Variants in HIBADH observed in about 807,000 individuals in gnomAD.
HIBADH encodes the protein 3-hydroxyisobutyrate dehydrogenase, mitochondrial.
A neutral mutation model predicts 36.1 loss-of-function variants in HIBADH; 25 were observed. The ratio of observed to expected loss-of-function variants is 0.69; its 90% confidence interval spans 0.50 to 0.97. HIBADH has a LOEUF of 0.97. Ranked by LOEUF, HIBADH falls within the 50% of genes least tolerant of loss-of-function variation. The pLI, the probability that HIBADH is intolerant of heterozygous loss-of-function variation, is 0.00. For synonymous variants in HIBADH, 160 were observed against 149.5 expected (o/e 1.07, Z -0.51); for missense variants, 421 against 418.0 (o/e 1.01, Z -0.06).
chr7:27,542,438 G>GT (rs150575250), intron 5 of HIBADH, among the ~76,000 whole-genome samples: 1,004 of 68,156 alleles, frequency 0.015, 53 homozygotes, highest in African/African-American at 0.039. Flanking sequence ...TTTTTTTCCC[G>GT]TTTTTTTTTT....
chr7:27,544,703 A>T (rs942592023), intron 4 of HIBADH, among the ~76,000 whole-genome samples: 9 of 152,228 alleles, frequency 5.9e-5, no homozygotes, highest in Non-Finnish European at 1.3e-4. Flanking sequence ...GTCAAAGCTT[A>T]CAAGCAAATC....
intron 4 of HIBADH, among the ~76,000 whole-genome samples, chr7:27,591,626 T>C (rs559752478): frequency 6.6e-6 from 1 of 152,178 alleles, no homozygotes; most frequent in East Asian, 1.9e-4. Context: ...GGAACTTTCA[T>C]TATTTTGTTT....
At chr7:27,567,984 T>C (rs1363472407) in intron 4 of HIBADH, among the ~76,000 whole-genome samples, 2 of 152,206 alleles carry the variant, frequency 1.3e-5, no homozygotes, top group East Asian at 1.9e-4. Context: ...CAACTTACAA[T>C]ATTTTCAACT....
At chr7:27,597,056 TA>T (rs1785044737) in intron 4 of HIBADH, among the ~76,000 whole-genome samples, 1 of 144,508 alleles carries the variant, frequency 6.9e-6, no homozygotes, top group Non-Finnish European at 1.6e-5. Flanking sequence ...TAGAGAGTCT[TA>T]ATTTTATTAA....
At chr7:27,631,800 GA>G (rs1381312622) in intron 3 of HIBADH, among the ~76,000 whole-genome samples, 1 of 152,162 alleles carries the variant, frequency 6.6e-6, no homozygotes, top group Admixed American at 6.5e-5. Flanking sequence ...GCCAAGGTCT[GA>G]TTTTTCACAA....
At chr7:27,654,463 A>G (rs1786257305) in intron 1 of HIBADH, among the ~76,000 whole-genome samples, 1 of 152,214 alleles carries the variant, frequency 6.6e-6, no homozygotes, top group Admixed American at 6.5e-5. Flanking sequence ...GAGCAGCCAC[A>G]GGAAAAAGGA....
chr7:27,607,951 C>A (rs1785259338), intron 4 of HIBADH, among the ~76,000 whole-genome samples: 1 of 152,102 alleles, frequency 6.6e-6, no homozygotes, highest in African/African-American at 2.4e-5. Flanking sequence ...ATATGTTGGT[C>A]ACTTAAGAAC....
chr7:27,621,002 A>G (rs899564994), intron 4 of HIBADH, among the ~76,000 whole-genome samples: 1 of 152,194 alleles, frequency 6.6e-6, no homozygotes, highest in Non-Finnish European at 1.5e-5. Context: ...ACTAATAAGG[A>G]CACATACACA....
chr7:27,543,195 TCCTG>T, intron 4 of HIBADH, 95 bp from the exon 5 acceptor site: 1 of 1,268,660 alleles, frequency 7.9e-7, no homozygotes, highest in South Asian at 1.4e-5. Context: ...ACTAAAAACA[TCCTG>T]CCTCCAATCT....
intron 4 of HIBADH, among the ~76,000 whole-genome samples, chr7:27,606,280 T>C (rs1785227496): frequency 6.6e-6 from 1 of 152,156 alleles, no homozygotes; most frequent in Admixed American, 6.5e-5. Flanking sequence ...TTTATGACCA[T>C]CAAGTTCACA....
intron 4 of HIBADH, among the ~76,000 whole-genome samples, chr7:27,543,683 T>C (rs964810846): frequency 6.6e-6 from 1 of 152,212 alleles, no homozygotes; most frequent in African/African-American, 2.4e-5. Flanking sequence ...TTTTGACTGA[T>C]TATTCTCATA....
At chr7:27,538,126 A>G (rs1338895869) in intron 6 of HIBADH, among the ~76,000 whole-genome samples, 1 of 152,208 alleles carries the variant, frequency 6.6e-6, no homozygotes, top group African/African-American at 2.4e-5. Context: ...TGCACAGGCA[A>G]TACATTTTAT....
intron 4 of HIBADH, among the ~76,000 whole-genome samples, chr7:27,591,949 C>T (rs1784946900): frequency 6.6e-6 from 1 of 152,150 alleles, no homozygotes; most frequent in Non-Finnish European, 1.5e-5. Flanking sequence ...TCATCTCTTC[C>T]CACTTTCCTC....
In HIBADH at chr7:27,632,444, A is replaced by G; in HGVS notation, c.254T>C (p.Val85Ala). ...CKEFQDAGEQ[V>A]VSSPADVAEK... is the part of the protein sequence containing the mutation. The stretch of plus-strand genomic sequence containing the variant: ...AGCAACATCTGCTGGGGAAGATACT[A>G]CCTTTAAAAAAAATTGCAAAGGCAC... Residue 85 changes from valine (V) to alanine (A), a missense_variant and splice_region_variant, in exon 3 of 8, where the codon GTA becomes GCA. Val to Ala is a moderately conservative substitution (Grantham distance 64, BLOSUM62 0). Transcript: ENST00000265395. 2 of 1,607,792 alleles carry G rather than the reference A, an allele frequency of 1.2e-6. No individual in the cohort carries two copies. Among genetic ancestry groups the G allele is most frequent in the East Asian group, 2.2e-5 (1 of 44,788 alleles).
At chr7:27,563,324 C>T (rs756647001) in intron 4 of HIBADH, among the ~76,000 whole-genome samples, 2 of 152,100 alleles carry the variant, frequency 1.3e-5, no homozygotes, top group Non-Finnish European at 1.5e-5. Context: ...ATTTTTAAGT[C>T]GTTTTCAGTT....
chr7:27,562,056 T>A (rs186893609), intron 4 of HIBADH, among the ~76,000 whole-genome samples: 1 of 152,272 alleles, frequency 6.6e-6, no homozygotes, highest in East Asian at 1.9e-4. Flanking sequence ...AAATCCAACA[T>A]GATAAAAATC....
chr7:27,543,018 C>T lies in HIBADH; in HGVS notation c.567G>A (p.Leu189=). The T allele has an allele frequency of 6.2e-7, 1 of 1,613,874 alleles. No individual in the cohort carries two copies. Among genetic ancestry groups the T allele is most frequent in the East Asian group, 2.2e-5 (1 of 44,858 alleles). Residue 189 remains leucine, a synonymous_variant, in exon 5 of 8, where the codon CTG becomes CTA. Coordinates refer to ENST00000265395, the MANE Select transcript of HIBADH (RefSeq NM_152740.4). ...EDEFAAAQEL[L]GCMGSNVVYC... is the part of the protein sequence containing the mutation. ...ACACCACGTTGGAGCCCATGCACCC[C>T]AGCAACTCTTGGGCAGCAGCAAATT...
chr7:27,631,149 G>T (rs530410110), intron 3 of HIBADH, among the ~76,000 whole-genome samples: 4 of 152,104 alleles, frequency 2.6e-5, no homozygotes, highest in Non-Finnish European at 5.9e-5. Context: ...ACAAATGTAG[G>T]GCTATGTCTC....
intron 1 of HIBADH, among the ~76,000 whole-genome samples, chr7:27,659,869 T>C (rs1200998700): frequency 6.6e-6 from 1 of 152,158 alleles, no homozygotes; most frequent in Admixed American, 6.6e-5. Context: ...ACCAGCGTAG[T>C]AGGCAACTAG....
Sources: allele counts gnomAD v4.1 joint callset (sites outside exome capture counted in the v4.1 genomes callset), GRCh38; gene constraint gnomAD v4.1.1; transcripts MANE v1.5; gene names NCBI Gene and HGNC (gene_info 2026-07-23, HGNC 2026-07-21).